MARCHF3: variants seen among roughly 807,000 people sequenced by gnomAD.
MARCHF3 encodes the protein membrane associated ring-CH-type finger 3, also known as E3 ubiquitin-protein ligase MARCHF3.
In MARCHF3, 13 loss-of-function variants were observed where a neutral mutation model predicts 24.2. The observed-to-expected ratio is 0.54, with a 90% CI of 0.35 to 0.85. The LOEUF (loss-of-function observed/expected upper bound fraction) is 0.85, where lower values mean the gene tolerates loss of function less well. MARCHF3 is among the 40% of genes least tolerant of loss of function. The pLI is 0.01. For missense variants in MARCHF3, 276 were observed against 325.0 expected, an observed-to-expected ratio of 0.85 and a Z score of 1.16; for synonymous variants, 144 against 137.3, an observed-to-expected ratio of 1.05 and a Z score of -0.34.
At chr5:126,889,410 T>G (rs1044628356) in intron 3 of MARCHF3, among the ~76,000 whole-genome samples, 2 of 151,660 alleles carry the variant, frequency 1.3e-5, no homozygotes, top group African/African-American at 4.9e-5. Context: ...CAAAACCAGG[T>G]TTTCAAAATG....
At chr5:126,894,815 T>C (rs1420787497) in intron 3 of MARCHF3, among the ~76,000 whole-genome samples, 1 of 151,924 alleles carries the variant, frequency 6.6e-6, no homozygotes, top group Non-Finnish European at 1.5e-5. Context: ...GAGGAGTATC[T>C]TTGTGGCGTT....
chr5:126,961,278 C>G (rs887015488), intron 1 of MARCHF3, among the ~76,000 whole-genome samples: 3 of 152,098 alleles, frequency 2.0e-5, no homozygotes, highest in Admixed American at 2.0e-4. Flanking sequence ...AACACATTCT[C>G]TTTGTCAAAA....
At chr5:126,952,753 T>C (rs1561444030) in intron 1 of MARCHF3, among the ~76,000 whole-genome samples, 1 of 152,188 alleles carries the variant, frequency 6.6e-6, no homozygotes. Flanking sequence ...TTGGGGAAAC[T>C]GGCCCTATTT....
intron 1 of MARCHF3, among the ~76,000 whole-genome samples, chr5:126,922,229 G>C (rs1232056092): frequency 2.6e-5 from 4 of 152,052 alleles, no homozygotes; most frequent in Non-Finnish European, 5.9e-5. Context: ...AAGCTCTGTT[G>C]TTGGAGGCAC....
intron 1 of MARCHF3, among the ~76,000 whole-genome samples, chr5:127,013,920 A>C (rs1296499790): frequency 1.3e-5 from 2 of 152,226 alleles, no homozygotes; most frequent in East Asian, 3.8e-4. Flanking sequence ...TTAAAGGCCT[A>C]ATTGTAAGAC....
chr5:126,899,939 C>T (rs1258416958), intron 3 of MARCHF3, among the ~76,000 whole-genome samples: 1 of 152,000 alleles, frequency 6.6e-6, no homozygotes, highest in East Asian at 1.9e-4. Flanking sequence ...AAAGCTCATG[C>T]CTTACATTAG....
intron 1 of MARCHF3, among the ~76,000 whole-genome samples, chr5:126,927,013 T>C (rs1228262547): frequency 2.0e-5 from 3 of 152,100 alleles, no homozygotes; most frequent in Admixed American, 2.0e-4. Flanking sequence ...ACACAACTAC[T>C]GACATCTGCT....
chr5:126,962,834 C>CGTGTGTGTGTGT (rs10635460), intron 1 of MARCHF3, among the ~76,000 whole-genome samples: 6 of 147,548 alleles, frequency 4.1e-5, no homozygotes, highest in East Asian at 2.0e-4. Context: ...TGTGTGTGTG[C>CGTGTGTGTGTGT]GTGTGTGTGT....
At chr5:126,908,520 C>G (rs191500941) in intron 3 of MARCHF3, among the ~76,000 whole-genome samples, 3,071 of 152,138 alleles carry the variant, frequency 0.02, 74 homozygotes, top group South Asian at 0.11. Context: ...TTGCTCGTTT[C>G]TTTTTATTCT....
At chr5:126,886,582 A>G (rs1055571888) in intron 3 of MARCHF3, among the ~76,000 whole-genome samples, 3 of 152,234 alleles carry the variant, frequency 2.0e-5, no homozygotes, top group African/African-American at 7.2e-5. Context: ...GCAATGCTAT[A>G]GAACTCATAA....
chr5:126,894,533 T>C (rs982361039), intron 3 of MARCHF3, among the ~76,000 whole-genome samples: 1 of 152,132 alleles, frequency 6.6e-6, no homozygotes, highest in South Asian at 2.1e-4. Flanking sequence ...ATTTTATTTC[T>C]CCTTTGCTTA....
chr5:127,005,121 T>C (rs1580477980), intron 1 of MARCHF3, among the ~76,000 whole-genome samples: 1 of 150,740 alleles, frequency 6.6e-6, no homozygotes, highest in Non-Finnish European at 1.5e-5. Flanking sequence ...ATGACATACA[T>C]GCTCAGAAAG....
intron 1 of MARCHF3, among the ~76,000 whole-genome samples, 155 bp from the exon 2 acceptor site, chr5:126,918,382 GCACACACACA>G (rs112284753): frequency 2.0e-5 from 3 of 149,442 alleles, no homozygotes; most frequent in African/African-American, 7.4e-5. Flanking sequence ...TAATACAAGT[GCACACACACA>G]CACACACACA....
At chr5:126,903,604 C>T (rs1002157140) in intron 3 of MARCHF3, among the ~76,000 whole-genome samples, 1 of 151,820 alleles carries the variant, frequency 6.6e-6, no homozygotes, top group African/African-American at 2.4e-5. Flanking sequence ...TAATAACAGT[C>T]CAGCAATGTC....
chr5:126,925,929 T>C (rs1749280052), intron 1 of MARCHF3, among the ~76,000 whole-genome samples: 1 of 152,220 alleles, frequency 6.6e-6, no homozygotes, highest in African/African-American at 2.4e-5. Context: ...GGGTACAGCA[T>C]GCTGGTCAGG....
intron 1 of MARCHF3, among the ~76,000 whole-genome samples, chr5:127,012,125 C>G (rs1412369772): frequency 2.6e-5 from 4 of 152,158 alleles, no homozygotes; most frequent in African/African-American, 9.7e-5. Flanking sequence ...GACCTACTTG[C>G]TATACCATGT....
In MARCHF3 at chr5:126,914,962, C is replaced by A; in HGVS notation, c.361G>T (p.Ala121Ser). ...AACGGCCTGGGTTTGCGCTCGACTG[C>A]AAACCTGAAGTGGCAGAGTTCACAG... ...SYCELCHFRF[A>S]VERKPRPLVE... is the part of the protein sequence containing the mutation. The change falls in exon 3 of 5, where the codon GCA (alanine) becomes TCA (serine). Residue 121 changes from alanine to serine, a missense_variant. Physicochemically the swap from Ala to Ser is moderately conservative, Grantham distance 99. Transcript: ENST00000308660. 1 of 1,614,232 alleles carries A rather than the reference C, an allele frequency of 6.2e-7. No individual in the cohort carries two copies. The highest frequency in any genetic ancestry group is 8.5e-7 in the Non-Finnish European group (1 of 1,180,056).
At chr5:127,028,691 G>A (rs1279579253) in intron 1 of MARCHF3, among the ~76,000 whole-genome samples, 1 of 151,824 alleles carries the variant, frequency 6.6e-6, no homozygotes, top group African/African-American at 2.4e-5. Flanking sequence ...GATGTGACAA[G>A]CACCACATTT....
intron 1 of MARCHF3, among the ~76,000 whole-genome samples, chr5:126,984,986 G>C (rs533138142): frequency 6.6e-6 from 1 of 152,186 alleles, no homozygotes; most frequent in East Asian, 1.9e-4. Flanking sequence ...AGGCAGCCCT[G>C]GAAAAAAGAG....
Sources: allele counts gnomAD v4.1 joint callset (sites outside exome capture counted in the v4.1 genomes callset), GRCh38; gene constraint gnomAD v4.1.1; transcripts MANE v1.5; gene names NCBI Gene and HGNC (gene_info 2026-07-23, HGNC 2026-07-21).